The following NAV1 variants were observed in gnomAD, a reference collection of about 807,000 sequenced individuals.
NAV1 encodes the protein neuron navigator 1.
A neutral mutation model predicts 175.2 loss-of-function variants in NAV1; 18 were observed. That is an observed-to-expected ratio of 0.10 (90% CI 0.07 to 0.15). The LOEUF is 0.15. Ranked by LOEUF, NAV1 falls within the 10% of genes least tolerant of loss-of-function variation. NAV1 has a pLI of 1.00. For missense variants in NAV1, 1,731 were observed against 2,436.6 expected (o/e 0.71, Z 6.10); for synonymous variants, 897 against 978.7 (o/e 0.92, Z 1.56).
intron 3 of NAV1, among the ~76,000 whole-genome samples, 162 bp from the exon 8 acceptor site, chr1:201,780,259 T>G (rs1676359169): frequency 6.6e-6 from 1 of 152,210 alleles, no homozygotes; most frequent in Non-Finnish European, 1.5e-5. Context: ...GAAGTTTAAG[T>G]CACACTTTGA....
chr1:201,554,945 T>G (rs958192495), intron 1 of NAV1, among the ~76,000 whole-genome samples: 8 of 152,190 alleles, frequency 5.3e-5, no homozygotes, highest in African/African-American at 1.9e-4. Flanking sequence ...CGACAATCCT[T>G]GTCATCCCTT....
chr1:201,651,122 C>CGTGTGTGTGTGTGTGTGTGTGTGTGTGT (rs60462710), intron 1 of NAV1, among the ~76,000 whole-genome samples: 3 of 129,062 alleles, frequency 2.3e-5, no homozygotes, highest in East Asian at 2.3e-4. Flanking sequence ...AGGAAGGGAC[C>CGTGTGTGTGTGTGTGTGTGTGTGTGTGT]GTGTGTGTGT....
intron 1 of NAV1, among the ~76,000 whole-genome samples, chr1:201,578,248 T>C (rs1192086184): frequency 1.3e-5 from 2 of 152,186 alleles, no homozygotes; most frequent in African/African-American, 4.8e-5. Context: ...AGTTCTCTGA[T>C]TGTTCTCCTT....
intron 1 of NAV1, among the ~76,000 whole-genome samples, chr1:201,560,342 T>C (rs1666161845): frequency 6.6e-6 from 1 of 152,236 alleles, no homozygotes; most frequent in African/African-American, 2.4e-5. Flanking sequence ...CTGCTTCTTA[T>C]GGAATCTTCT....
intron 15 of NAV1, chr1:201,797,611 C>G (rs1228929023): frequency 6.6e-6 from 1 of 152,192 alleles, no homozygotes; most frequent in Non-Finnish European, 1.5e-5. Flanking sequence ...TGCCTCTTAA[C>G]AATGTTAAGT....
rs1678423906 is a variant in NAV1 at position 201,808,126 on chromosome 1, C to T, written c.3822C>T (p.Ser1274=). The T allele has an allele frequency of 6.8e-6, 11 of 1,614,216 alleles. No individual in the cohort carries two copies. The East Asian group carries it at 2.2e-4, about 33-fold the overall frequency. Residue 1274 remains serine (S), a synonymous_variant, in exon 18 of 30, where the codon TCC becomes TCT. Coordinates refer to ENST00000367296, the Ensembl canonical transcript of NAV1. The surrounding 1 kb of genome is among the most constrained non-coding windows in gnomAD (Gnocchi z 5.5). ...CCTCCATCAAGTCCTCCACCTCGTC[C>T]TCCGTGGGCACTGATGTCACCGAGT... is the stretch of plus-strand genomic sequence containing the variant.
At chr1:201,673,141 G>A (rs774634874) in intron 1 of NAV1, 1 of 152,242 alleles carries the variant, frequency 6.6e-6, no homozygotes. Flanking sequence ...TTTAGGCTCT[G>A]TGAGAATGCA....
intron 1 of NAV1, among the ~76,000 whole-genome samples, chr1:201,564,495 G>A (rs181042567): frequency 2.4e-3 from 370 of 152,294 alleles, no homozygotes; most frequent in Middle Eastern, 0.01. Context: ...CACACCTGTA[G>A]TCCCAGCTAT....
In NAV1 at chr1:201,783,139, T is replaced by A. The variant is rs528789; in HGVS notation, c.2358-267T>A. ...CCTGTCTTCAGCACTTGTATGGGTGTTTTTACTGTTTATTTACACATATAT... is the reference window on the plus strand; with the variant it reads ...CCTGTCTTCAGCACTTGTATGGGTGATTTTACTGTTTATTTACACATATAT... On this transcript the variant is annotated intron_variant, in intron 6 of 29. Transcript: ENST00000367296. Among the ~76,000 whole-genome samples, 50,199 of 152,036 alleles carry A rather than the reference T, an allele frequency of 0.33. 9,265 individuals are homozygous for A. The highest frequency in any genetic ancestry group is 0.44 in the Admixed American group (6,647 of 15,272).
intron 1 of NAV1, among the ~76,000 whole-genome samples, chr1:201,554,133 A>T (rs1264141009): frequency 6.6e-6 from 1 of 152,130 alleles, no homozygotes; most frequent in African/African-American, 2.4e-5. Context: ...AGTTCAGATC[A>T]TTTGTAGAGG....
rs1673349134 is a variant in NAV1 at position 201,740,487 on chromosome 1, C to T, written c.1226+21732C>T. Among the ~76,000 whole-genome samples the T allele has an allele frequency of 6.6e-6, 1 of 151,946 alleles. No homozygotes were observed. The highest frequency in any genetic ancestry group is 1.5e-5 in the Non-Finnish European group (1 of 67,984). On this transcript the variant is annotated intron_variant, in intron 3 of 29. Transcript: ENST00000367296. This position sits in a 1 kb window ranked among gnomAD's most constrained non-coding sequence, Gnocchi z 4.7. ...AGGGTCGGGGGTCCTGGGGACCAGG[C>T]GGGTGGAAGGAGGAGGGGCTTGCAG...
intron 3 of NAV1, among the ~76,000 whole-genome samples, chr1:201,734,557 A>G (rs1673029841): frequency 7.1e-6 from 1 of 141,046 alleles, no homozygotes; most frequent in South Asian, 2.2e-4. Context: ...TTCTCAATAC[A>G]TTGTATGAGG....
intron 2 of NAV1, among the ~76,000 whole-genome samples, chr1:201,713,874 A>G (rs1672018484): frequency 6.6e-6 from 1 of 152,182 alleles, no homozygotes; most frequent in Admixed American, 6.5e-5. Context: ...GCCATTTGGG[A>G]TTCTGAGGAT....
intron 1 of NAV1, among the ~76,000 whole-genome samples, chr1:201,652,936 T>C (rs10920228): frequency 0.25 from 37,849 of 152,030 alleles, 5,007 homozygotes; most frequent in Admixed American, 0.39. Context: ...TTAAACGTGC[T>C]CAGAACACTT....
At chr1:201,550,010 CA>C (rs1186985996) in intron 1 of NAV1, among the ~76,000 whole-genome samples, 1,145 of 17,718 alleles carry the variant, frequency 0.065, 4 homozygotes, top group African/African-American at 0.18. Flanking sequence ...GACTCCATCT[CA>C]AAAAAAAAAA....
Position 201,718,508 on chromosome 1 carries a change from G to T in NAV1, c.979G>T (p.Ala327Ser), listed in dbSNP as rs1672232174. Residue 327 changes from alanine to serine, a missense_variant, in exon 3 of 30, where the codon GCT becomes TCT. Physicochemically the swap from Ala to Ser is moderately conservative, Grantham distance 99. Around this residue, in one of 13 missense-constraint regions of NAV1, gnomAD observed 487 missense variants for 581.3 expected, o/e 0.84. Coordinates refer to ENST00000367296, the Ensembl canonical transcript of NAV1. The surrounding 1 kb of genome is among the most constrained non-coding windows in gnomAD (Gnocchi z 4.8). ...TGGCCAGTCCAGTCCGCGGCTGCAG[G>T]CTGGTGACGCGCCCTCTGTGGGTGG... 7 of 1,609,460 alleles carry T rather than the reference G, an allele frequency of 4.3e-6. No individual in the cohort carries two copies. The highest frequency in any genetic ancestry group is 5.9e-6 in the Non-Finnish European group (7 of 1,176,974).
upstream of NAV1, among the ~76,000 whole-genome samples, chr1:201,622,663 G>C (rs946126343): frequency 2.0e-5 from 3 of 152,174 alleles, no homozygotes; most frequent in Non-Finnish European, 4.4e-5. Flanking sequence ...TTTCAGAGCA[G>C]AGAGGGAAAG....
intron 1 of NAV1, among the ~76,000 whole-genome samples, chr1:201,576,483 G>A (rs1350415720): frequency 1.3e-5 from 2 of 152,110 alleles, no homozygotes; most frequent in Non-Finnish European, 2.9e-5. Flanking sequence ...GCATGTGCCT[G>A]TAATCTCAAC....
chr1:201,816,422 C>G (rs879860665), intron 28 of NAV1, among the ~76,000 whole-genome samples: 2 of 151,972 alleles, frequency 1.3e-5, no homozygotes, highest in Admixed American at 6.6e-5. Flanking sequence ...CTTGATTTAG[C>G]CATCCCACGG....
Sources: gnomAD v4.1 joint callset for allele counts (sites outside exome capture counted in the v4.1 genomes callset) on GRCh38, gnomAD v4.1.1 for gene constraint, gnomAD v4.1.1 regional missense constraint, Gnocchi (gnomAD v3.1) non-coding constraint, MANE v1.5 for transcripts, NCBI Gene and HGNC (gene_info 2026-07-23, HGNC 2026-07-21) for gene names.